PHF24: variants seen among roughly 807,000 people sequenced by gnomAD.
The protein encoded by PHF24 is PHD finger protein 24, also known as Galpha inhibitory interacting protein.
A neutral mutation model predicts 42.6 loss-of-function variants in PHF24; 25 were observed. The observed-to-expected ratio is 0.59, with a 90% CI of 0.43 to 0.82. The LOEUF (loss-of-function observed/expected upper bound fraction) is 0.82. PHF24 is among the 40% of genes least tolerant of loss of function. PHF24 has a pLI of 0.00. For synonymous variants in PHF24, 185 were observed against 204.8 expected (o/e 0.90, Z 0.83); for missense variants, 470 against 538.1 (o/e 0.87, Z 1.25).
chr9:34,766,263 A>G, the PHF24 span, among the ~76,000 whole-genome samples: 9 of 152,122 alleles, frequency 5.9e-5, no homozygotes, highest in African/African-American at 1.9e-4. Flanking sequence ...GCTAGATTGG[A>G]GAAGTTCTCC....
At chr9:34,796,907 AAAC>A in the PHF24 span, among the ~76,000 whole-genome samples, 1 of 152,244 alleles carries the variant, frequency 6.6e-6, no homozygotes, top group Non-Finnish European at 1.5e-5. Flanking sequence ...CCAAAAATGG[AAAC>A]AACCCAAATG....
chr9:34,723,519 T>C, the PHF24 span: 2 of 1,551,714 alleles, frequency 1.3e-6, no homozygotes, highest in Non-Finnish European at 1.7e-6. Flanking sequence ...TTGGCCACCT[T>C]CGCAGCGGCT....
At chr9:34,845,110 C>A in the PHF24 span, among the ~76,000 whole-genome samples, 5 of 152,236 alleles carry the variant, frequency 3.3e-5, no homozygotes, top group East Asian at 9.6e-4. Context: ...CAGTTCTTGA[C>A]TTAAAGTCTA....
At chr9:34,937,119 C>T in the PHF24 span, among the ~76,000 whole-genome samples, 1 of 151,006 alleles carries the variant, frequency 6.6e-6, no homozygotes, top group Non-Finnish European at 1.5e-5. Context: ...AGGAGCCCCT[C>T]TGCCCGGCCA....
At chr9:34,910,201 A>G in the PHF24 span, among the ~76,000 whole-genome samples, 1 of 152,306 alleles carries the variant, frequency 6.6e-6, no homozygotes, top group South Asian at 2.1e-4. Context: ...TTAGTCTTCT[A>G]CAGTATTCAT....
the PHF24 span, chr9:34,729,274 A>G: frequency 6.4e-7 from 1 of 1,551,372 alleles, no homozygotes; most frequent in Non-Finnish European, 8.7e-7. Context: ...AGTTGGGATC[A>G]CAGCCCTACC....
the PHF24 span, among the ~76,000 whole-genome samples, chr9:34,721,471 A>G: frequency 6.7e-6 from 1 of 150,194 alleles, no homozygotes; most frequent in Admixed American, 6.6e-5. Context: ...CTGGAATGCA[A>G]TGGCACAGTC....
the PHF24 span, among the ~76,000 whole-genome samples, chr9:34,875,940 A>ACTCT: frequency 2.7e-4 from 24 of 89,334 alleles, no homozygotes; most frequent in African/African-American, 9.2e-4. Context: ...ACACACACAC[A>ACTCT]CACACACACA....
At chr9:34,767,412 A>G in the PHF24 span, among the ~76,000 whole-genome samples, 2 of 152,226 alleles carry the variant, frequency 1.3e-5, no homozygotes, top group Non-Finnish European at 2.9e-5. Context: ...GCAATGGCGG[A>G]CGCCCCTCCC....
the PHF24 span, among the ~76,000 whole-genome samples, chr9:34,826,834 T>A: frequency 6.6e-6 from 1 of 152,128 alleles, no homozygotes; most frequent in Non-Finnish European, 1.5e-5. Context: ...AAACCTGAAG[T>A]AGTAAATTCT....
the PHF24 span, among the ~76,000 whole-genome samples, chr9:34,809,903 C>T: frequency 5.3e-5 from 8 of 150,608 alleles, no homozygotes; most frequent in Non-Finnish European, 3.0e-5. The surrounding 1 kb of genome is among the most constrained non-coding windows in gnomAD (Gnocchi z 4.1). Context: ...GTGCCCCTAG[C>T]TGATTCGGGA....
chr9:34,888,601 G>A, the PHF24 span, among the ~76,000 whole-genome samples: 1 of 152,176 alleles, frequency 6.6e-6, no homozygotes, highest in Non-Finnish European at 1.5e-5. Flanking sequence ...CTATCATCTG[G>A]TTTTGACATC....
At chr9:34,757,454 T>C in the PHF24 span, among the ~76,000 whole-genome samples, 5 of 152,186 alleles carry the variant, frequency 3.3e-5, no homozygotes, top group Non-Finnish European at 7.3e-5. Context: ...CTATGTATAA[T>C]ATGTCATGTG....
chr9:34,933,391 C>A, the PHF24 span, among the ~76,000 whole-genome samples: 1 of 152,080 alleles, frequency 6.6e-6, no homozygotes, highest in Non-Finnish European at 1.5e-5. Flanking sequence ...TGTAAAAATT[C>A]TATGATATAG....
chr9:34,805,667 C>T, the PHF24 span, among the ~76,000 whole-genome samples: 1 of 152,140 alleles, frequency 6.6e-6, no homozygotes, highest in Non-Finnish European at 1.5e-5. Flanking sequence ...TGCCTTTTCA[C>T]TCCCTTGATA....
At chr9:34,903,639 C>T in the PHF24 span, among the ~76,000 whole-genome samples, 1 of 152,228 alleles carries the variant, frequency 6.6e-6, no homozygotes, top group Non-Finnish European at 1.5e-5. Flanking sequence ...ATCCAAAGGT[C>T]TCCAGTGTCA....
chr9:34,822,681 T>C, the PHF24 span, among the ~76,000 whole-genome samples: 25 of 152,294 alleles, frequency 1.6e-4, no homozygotes, highest in African/African-American at 5.5e-4. Context: ...TCAGAATCAC[T>C]TGTGGACCTT....
chr9:34,880,913 A>G, the PHF24 span, among the ~76,000 whole-genome samples: 7 of 152,222 alleles, frequency 4.6e-5, no homozygotes, highest in Non-Finnish European at 1.0e-4. Flanking sequence ...CATTATTCTC[A>G]GCACCACATT....
At chr9:34,869,207 A>G in the PHF24 span, among the ~76,000 whole-genome samples, 6 of 152,194 alleles carry the variant, frequency 3.9e-5, no homozygotes, top group African/African-American at 1.4e-4. Flanking sequence ...TAGTGCTGCA[A>G]TGAATATATG....
Sources: gnomAD v4.1 joint callset for allele counts (sites outside exome capture counted in the v4.1 genomes callset) on GRCh38, gnomAD v4.1.1 for gene constraint, Gnocchi (gnomAD v3.1) non-coding constraint, MANE v1.5 for transcripts, NCBI Gene and HGNC (gene_info 2026-07-23, HGNC 2026-07-21) for gene names.